Variants in LRRC4C observed in about 807,000 individuals in gnomAD.
LRRC4C encodes the protein leucine rich repeat containing 4C.
LRRC4C carries 5 observed loss-of-function variants against 33.6 expected under a neutral mutation model. The observed-to-expected ratio is 0.15, with a 90% confidence interval of 0.08 to 0.31. LRRC4C has a LOEUF of 0.31. Among genes scored for constraint, LRRC4C ranks in the 10% least tolerant of loss-of-function variants. LRRC4C has a pLI of 1.00. For missense variants in LRRC4C, 560 were observed against 796.7 expected, an observed-to-expected ratio of 0.70 and a Z score of 3.58; for synonymous variants, 329 against 302.0, an observed-to-expected ratio of 1.09 and a Z score of -0.93.
chr11:40,450,324 T>C (rs1360219314), intron 3 of LRRC4C, among the ~76,000 whole-genome samples: 1 of 152,182 alleles, frequency 6.6e-6, no homozygotes, highest in East Asian at 1.9e-4. Context: ...TTGTTGTTAA[T>C]TATGATTAAA....
chr11:40,349,361 A>C (rs1395558959), intron 3 of LRRC4C, among the ~76,000 whole-genome samples: 2 of 151,118 alleles, frequency 1.3e-5, no homozygotes, highest in African/African-American at 4.9e-5. Context: ...TAACATAAAG[A>C]CCTCCAGTTC....
At chr11:40,457,143 T>C (rs932369152) in intron 3 of LRRC4C, among the ~76,000 whole-genome samples, 16 of 145,590 alleles carry the variant, frequency 1.1e-4, no homozygotes, top group Non-Finnish European at 2.3e-4. Flanking sequence ...CTTGAGGATA[T>C]ACCTCAGCAA....
intron 5 of LRRC4C, among the ~76,000 whole-genome samples, chr11:40,211,055 GC>G (rs1276162726): frequency 1.3e-5 from 2 of 152,076 alleles, no homozygotes; most frequent in African/African-American, 4.8e-5. Flanking sequence ...AGGATCACAG[GC>G]CTGAGCAACT....
At chr11:41,189,618 T>C (rs954453387) in intron 1 of LRRC4C, among the ~76,000 whole-genome samples, 1 of 151,990 alleles carries the variant, frequency 6.6e-6, no homozygotes, top group Non-Finnish European at 1.5e-5. Flanking sequence ...AAAGGAAAGG[T>C]TTACTCAGAG....
At chr11:40,917,959 G>A (rs544420701) in intron 2 of LRRC4C, among the ~76,000 whole-genome samples, 31 of 152,202 alleles carry the variant, frequency 2.0e-4, no homozygotes, top group African/African-American at 7.5e-4. Context: ...TATCAAAACT[G>A]TGTTTATTGA....
intron 1 of LRRC4C, among the ~76,000 whole-genome samples, chr11:41,304,171 T>TG (rs1385191029): frequency 4.7e-4 from 18 of 38,220 alleles, no homozygotes; most frequent in African/African-American, 9.8e-4. Context: ...GGGAGGGAGG[T>TG]GGGGGGGTCA....
intron 1 of LRRC4C, among the ~76,000 whole-genome samples, chr11:40,946,361 A>G (rs1319179214): frequency 6.6e-6 from 1 of 152,188 alleles, no homozygotes; most frequent in Non-Finnish European, 1.5e-5. Context: ...GGTTGATTCT[A>G]TGACTGCTAT....
chr11:40,967,091 C>T (rs184937644), intron 1 of LRRC4C, among the ~76,000 whole-genome samples: 10 of 151,162 alleles, frequency 6.6e-5, no homozygotes, highest in Admixed American at 5.3e-4. Flanking sequence ...CACTTTATCA[C>T]CAAATTTAGT....
chr11:40,453,889 C>T (rs893603808), intron 3 of LRRC4C, among the ~76,000 whole-genome samples: 1 of 152,042 alleles, frequency 6.6e-6, no homozygotes, highest in African/African-American at 2.4e-5. Context: ...TTGCATAACC[C>T]TATGAAATAC....
intron 6 of LRRC4C, among the ~76,000 whole-genome samples, chr11:40,119,565 T>C (rs768158805): frequency 6.6e-5 from 10 of 152,310 alleles, no homozygotes; most frequent in Non-Finnish European, 1.3e-4. Flanking sequence ...CCTGGCATAC[T>C]GTAGGCACAA....
intron 1 of LRRC4C, among the ~76,000 whole-genome samples, chr11:40,991,635 C>T (rs755415701): frequency 2.8e-4 from 43 of 152,164 alleles, no homozygotes; most frequent in Non-Finnish European, 4.6e-4. Flanking sequence ...TTTCCTGCCA[C>T]TAGACAGTCC....
intron 5 of LRRC4C, among the ~76,000 whole-genome samples, chr11:40,210,397 T>C (rs1863506428): frequency 6.6e-6 from 1 of 152,232 alleles, no homozygotes; most frequent in Non-Finnish European, 1.5e-5. Flanking sequence ...TATTCATGTG[T>C]TATCTTCTGG....
At chr11:40,967,251 C>A in intron 1 of LRRC4C, among the ~76,000 whole-genome samples, 1 of 151,548 alleles carries the variant, frequency 6.6e-6, no homozygotes. Context: ...AAAGAGAAGA[C>A]AGAGCAAAAG....
intron 3 of LRRC4C, among the ~76,000 whole-genome samples, chr11:40,604,304 C>G (rs1236900001): frequency 6.6e-6 from 1 of 152,072 alleles, no homozygotes; most frequent in Admixed American, 6.6e-5. Context: ...TAGTGCTTCT[C>G]TCATAATTCT....
At position 40,833,418 on chromosome 11, in the gene LRRC4C, T is replaced by C. The variant is rs140094805; in HGVS notation, c.-407+100217A>G. Reference sequence around the variant, plus strand: ...ATTTCAAGTATATATTTTATTTCAGTAAATATATCCAATATATTGTCATTT... The same window carrying C: ...ATTTCAAGTATATATTTTATTTCAGCAAATATATCCAATATATTGTCATTT... On this transcript the variant is annotated intron_variant, in intron 2 of 6. Transcript: ENST00000528697. 3.9e-4 allele frequency among the ~76,000 whole-genome samples: 59 copies of C among 152,246 alleles called. 1 individual carries two copies. Among genetic ancestry groups the C allele is most frequent in the Middle Eastern group, 3.4e-3 (1 of 294 alleles).
chr11:41,011,781 CTA>C (rs1855203415), intron 1 of LRRC4C, among the ~76,000 whole-genome samples: 1 of 114,510 alleles, frequency 8.7e-6, no homozygotes, highest in East Asian at 2.6e-4. Context: ...CTGAAAATCT[CTA>C]GTTTGCACTT....
chr11:41,006,743 G>T (rs1204588794), intron 1 of LRRC4C, among the ~76,000 whole-genome samples: 1 of 152,052 alleles, frequency 6.6e-6, no homozygotes, highest in African/African-American at 2.4e-5. Flanking sequence ...GAAAGAAAAA[G>T]CTTCAAGGAT....
At chr11:40,858,563 TGCA>T (rs1285298868) in intron 2 of LRRC4C, among the ~76,000 whole-genome samples, 1 of 151,708 alleles carries the variant, frequency 6.6e-6, no homozygotes, top group Non-Finnish European at 1.5e-5. Context: ...GGCATGGTGT[TGCA>T]TGCCTGTAAC....
At chr11:40,179,020 T>C (rs1860752400) in intron 5 of LRRC4C, among the ~76,000 whole-genome samples, 1 of 151,948 alleles carries the variant, frequency 6.6e-6, no homozygotes. Flanking sequence ...CTTTTTTTTT[T>C]TTTAGATACG....
Sources: gnomAD v4.1 joint callset for allele counts (sites outside exome capture counted in the v4.1 genomes callset) on GRCh38, gnomAD v4.1.1 for gene constraint, MANE v1.5 for transcripts, NCBI Gene and HGNC (gene_info 2026-07-23, HGNC 2026-07-21) for gene names.